Variants in ARHGEF17 observed in about 807,000 individuals in gnomAD.
ARHGEF17 encodes 164 kDa Rho-specific guanine-nucleotide exchange factor.
ARHGEF17 carries 80 observed loss-of-function variants against 174.0 expected under a neutral mutation model. The observed-to-expected ratio is 0.46, with a 90% CI of 0.38 to 0.55. The LOEUF (loss-of-function observed/expected upper bound fraction) is 0.55, where lower values mean the gene tolerates loss of function less well. Among genes scored for constraint, ARHGEF17 ranks in the 20% least tolerant of loss-of-function variants. ARHGEF17 has a pLI of 0.00. For synonymous variants in ARHGEF17, 1,311 were observed against 1,189.1 expected, an observed-to-expected ratio of 1.10 and a Z score of -2.11; for missense variants, 2,886 against 2,839.7, an observed-to-expected ratio of 1.02 and a Z score of -0.37.
At chr11:73,321,510 A>G (rs970425997) in intron 1 of ARHGEF17, among the ~76,000 whole-genome samples, 4 of 152,228 alleles carry the variant, frequency 2.6e-5, no homozygotes, top group African/African-American at 9.6e-5. Flanking sequence ...TTAACAAGTC[A>G]TTGGATCCCA....
chr11:73,317,887 C>A (rs1357553824), intron 1 of ARHGEF17, among the ~76,000 whole-genome samples: 1 of 152,166 alleles, frequency 6.6e-6, no homozygotes, highest in Non-Finnish European at 1.5e-5. Flanking sequence ...ACTTCCAGGA[C>A]CCAACCCTCC....
Position 73,365,024 on chromosome 11 carries a change from C to T in ARHGEF17, c.5551-366C>T, listed in dbSNP as rs533704421. The T allele has an allele frequency of 6.0e-4, 188 of 312,700 alleles. No homozygotes were observed. Among genetic ancestry groups the T allele is most frequent in the Non-Finnish European group, 8.6e-4 (145 of 168,590 alleles). 19.4% of individuals were successfully genotyped at this position (312,700 alleles called of 1,614,324 possible). On this transcript the variant is annotated intron_variant, in intron 18 of 20. Transcript: ENST00000263674. The surrounding 1 kb of genome is among the most constrained non-coding windows in gnomAD (Gnocchi z 4.9). ...CTCACTTATTCCATTGTTGGCTGGG[C>T]AGGAGTCCAAAGCCCTGGGTTCAGG...
rs1305300708 is a variant in ARHGEF17, at chr11:73,365,134, G to C, written c.5551-256G>C. 1.0e-5 allele frequency: 5 copies of C among 496,000 alleles called. 1 individual carries two copies. In the East Asian group the frequency reaches 1.1e-4, roughly 11 times the overall value. The allele number at this position is 496,000 out of a possible 1,614,324, so 30.7% of individuals were successfully genotyped here. ...CCTGTCCAGGGGGAGGCCAGTGACT[G>C]ATTTTAGAACCCTTTAAGCATTGAA... On this transcript the variant is annotated intron_variant, in intron 18 of 20. Coordinates refer to ENST00000263674, the MANE Select transcript of ARHGEF17 (RefSeq NM_014786.4). This position sits in a 1 kb window ranked among gnomAD's most constrained non-coding sequence, Gnocchi z 4.9.
rs548692374 is a variant in ARHGEF17, at chr11:73,368,019, C to T, written c.*239C>T. 1.2e-5 allele frequency: 6 copies of T among 483,758 alleles called. No individual in the cohort carries two copies. The Admixed American group carries it at 1.4e-4, about 11-fold the overall frequency. 30.0% of individuals were successfully genotyped at this position (483,758 alleles called of 1,614,324 possible). A position where few individuals can be genotyped will look rare whatever the true frequency, so the allele number is the denominator to read the frequency against. Reference sequence around the variant, plus strand: ...CTTCCAGTCATGATCGGGTGGGGGACATGTGGGCTGACCAGGACCTCTGAC... The same window carrying T: ...CTTCCAGTCATGATCGGGTGGGGGATATGTGGGCTGACCAGGACCTCTGAC... On this transcript the variant is annotated 3_prime_UTR_variant, in exon 21 of 21. Coordinates refer to ENST00000263674, the MANE Select transcript of ARHGEF17 (RefSeq NM_014786.4).
intron 20 of ARHGEF17, among the ~76,000 whole-genome samples, chr11:73,366,248 T>C (rs1390006011): frequency 1.3e-5 from 2 of 152,068 alleles, no homozygotes; most frequent in African/African-American, 2.4e-5. Flanking sequence ...AAATAGAATA[T>C]GTATATAGAA....
chr11:73,353,495 T>G (rs1283986026), intron 3 of ARHGEF17, among the ~76,000 whole-genome samples: 2 of 152,230 alleles, frequency 1.3e-5, no homozygotes, highest in Non-Finnish European at 2.9e-5. Context: ...AGCATACCTG[T>G]TTGCTAGGCA....
intron 1 of ARHGEF17, among the ~76,000 whole-genome samples, chr11:73,321,106 T>C (rs1441515283): frequency 6.6e-6 from 1 of 152,204 alleles, no homozygotes; most frequent in Non-Finnish European, 1.5e-5. Flanking sequence ...TTTCCAGCCG[T>C]GAAGCAGAAG....
At chr11:73,362,392 T>C in intron 13 of ARHGEF17, 41 bp from the exon 14 acceptor site, 1 of 1,491,064 alleles carries the variant, frequency 6.7e-7, no homozygotes, top group Non-Finnish European at 8.9e-7. Flanking sequence ...GGGCCCCGTC[T>C]GGCTCGTAGC....
chr11:73,356,180 C>T lies in ARHGEF17; in HGVS notation c.3669C>T (p.Leu1223=). The change falls in exon 6 of 21, where the codon CTC becomes CTT. Residue 1223 remains leucine, a synonymous_variant. Transcript: ENST00000263674. The part of the protein sequence containing the change: ...IPRYELLVKD[L]LKHTPEDHPD... ...GCTCCCCATTCCCACCCCAGGACCT[C>T]CTGAAGCATACACCTGAGGACCACC... 2 of 1,613,916 alleles carry T rather than the reference C, an allele frequency of 1.2e-6. No homozygotes were observed. Among genetic ancestry groups the T allele is most frequent in the Non-Finnish European group, 1.7e-6 (2 of 1,179,988 alleles).
At chr11:73,330,102 T>C (rs1026415313) in intron 1 of ARHGEF17, among the ~76,000 whole-genome samples, 2 of 152,254 alleles carry the variant, frequency 1.3e-5, no homozygotes, top group African/African-American at 4.8e-5. Flanking sequence ...TGTCTATTTT[T>C]CTGTTGGGTT....
chr11:73,355,720 C>T (rs1404284203), intron 4 of ARHGEF17, 71 bp downstream of exon 4: 1 of 1,560,782 alleles, frequency 6.4e-7, no homozygotes, highest in African/African-American at 1.4e-5. Flanking sequence ...CCCAGGAGCT[C>T]CCAGCGTGGG....
intron 1 of ARHGEF17, among the ~76,000 whole-genome samples, chr11:73,327,384 G>C (rs1226974058): frequency 2.0e-5 from 3 of 152,248 alleles, no homozygotes; most frequent in Admixed American, 6.5e-5. Context: ...AATTAGGTTA[G>C]AATCAGGAAG....
At chr11:73,333,405 C>T (rs557222852) in intron 1 of ARHGEF17, among the ~76,000 whole-genome samples, 1 of 152,398 alleles carries the variant, frequency 6.6e-6, no homozygotes, top group East Asian at 1.9e-4. Flanking sequence ...TATCGCTGTC[C>T]AGGCATTAGG....
chr11:73,321,670 A>G (rs534771664), intron 1 of ARHGEF17, among the ~76,000 whole-genome samples: 2 of 152,246 alleles, frequency 1.3e-5, no homozygotes, highest in East Asian at 3.9e-4. Context: ...TGCTTTTGAG[A>G]TTGTCATTCT....
At chr11:73,335,383 T>C (rs1387321117) in intron 1 of ARHGEF17, among the ~76,000 whole-genome samples, 2 of 152,216 alleles carry the variant, frequency 1.3e-5, no homozygotes, top group East Asian at 3.9e-4. Context: ...TCCTAAGATG[T>C]TTTTCACATC....
rs757903292 is a variant in ARHGEF17, at chr11:73,310,262, C to T, written c.1624C>T (p.Arg542Trp). The T allele has an allele frequency of 2.0e-5, 33 of 1,614,018 alleles. 1 individual carries two copies. In the Middle Eastern group the frequency reaches 4.9e-4, roughly 24 times the overall value. The change falls in exon 1 of 21, where the codon CGG becomes TGG. Residue 542 changes from arginine to tryptophan, a missense_variant. By Grantham distance (101) the Arg-to-Trp change is moderately radical. This residue lies in a region of ARHGEF17 where 1,728 missense variants were observed against 1,461.2 expected (regional missense o/e 1.18). Coordinates refer to ENST00000263674, the MANE Select transcript of ARHGEF17 (RefSeq NM_014786.4). ...PTLKDLTATL[R>W]RAKSFTCSEK... ...ACTCAAGGACTTGACAGCCACTCTG[C>T]GGAGAGCAAAGTCATTCACCTGCTC...
intron 1 of ARHGEF17, among the ~76,000 whole-genome samples, chr11:73,337,118 A>G (rs1865297884): frequency 6.6e-6 from 1 of 152,236 alleles, no homozygotes; most frequent in African/African-American, 2.4e-5. Flanking sequence ...GGAAGAGTCA[A>G]TACCACATTG....
Position 73,367,705 on chromosome 11 carries a change from C to T in ARHGEF17, c.6117C>T (p.Ser2039=). Residue 2039 remains serine (S), a synonymous_variant, in exon 21 of 21, where the codon AGC becomes AGT. Coordinates refer to ENST00000263674, the MANE Select transcript of ARHGEF17 (RefSeq NM_014786.4). ...ATGGCTATGAGGACTTCCGACTCAG[C>T]AGTGGGGGCGGCAGCAGCAGTGAGA... ...GGDGYEDFRL[S]SGGGSSSETV... The T allele has an allele frequency of 1.2e-6, 2 of 1,614,122 alleles. No individual in the cohort carries two copies.
In ARHGEF17 at chr11:73,310,530, G is replaced by A. The variant is rs1307589484; in HGVS notation, c.1892G>A (p.Arg631Gln). Residue 631 changes from arginine to glutamine, a missense_variant, in exon 1 of 21, where the codon CGG (arginine) becomes CAG (glutamine). Around this residue, in one of 4 missense-constraint regions of ARHGEF17, gnomAD observed 1,728 missense variants for 1,461.2 expected, o/e 1.18. Coordinates refer to ENST00000263674, the MANE Select transcript of ARHGEF17 (RefSeq NM_014786.4). Reference protein sequence around the residue: ...DWAGDVTRGQRSQEELSGPES... With the variant: ...DWAGDVTRGQQSQEELSGPES... ...GCAGGGGATGTGACCCGAGGGCAGC[G>A]GTCCCAGGAGGAGCTCTCAGGCCCT... 2 of 1,613,998 alleles carry A rather than the reference G, an allele frequency of 1.2e-6. No individual in the cohort carries two copies. The highest frequency in any genetic ancestry group is 1.7e-6 in the Non-Finnish European group (2 of 1,180,034).
Sources: allele counts gnomAD v4.1 joint callset (sites outside exome capture counted in the v4.1 genomes callset), GRCh38; gene constraint gnomAD v4.1.1; regional missense constraint gnomAD v4.1.1; non-coding constraint Gnocchi (gnomAD v3.1); transcripts MANE v1.5; gene names NCBI Gene and HGNC (gene_info 2026-07-23, HGNC 2026-07-21).